The following GBP5 variants were observed in gnomAD, a reference collection of about 807,000 sequenced individuals.
GBP5 encodes guanylate-binding protein 5.
In GBP5, 48 loss-of-function variants were observed where a neutral mutation model predicts 58.2. The observed-to-expected ratio is 0.83, with a 90% confidence interval of 0.65 to 1.05. GBP5 has a LOEUF of 1.05. Ranked by LOEUF, GBP5 falls within the 50% of genes least tolerant of loss-of-function variation. GBP5 has a pLI of 0.00. For missense variants in GBP5, 714 were observed against 686.8 expected, an observed-to-expected ratio of 1.04 and a Z score of -0.44; for synonymous variants, 248 against 251.8, an observed-to-expected ratio of 0.98 and a Z score of 0.14.
At position 89,267,114 on chromosome 1, in the gene GBP5, G is replaced by C. The variant is rs757117645; in HGVS notation, c.468C>G (p.Asn156Lys). The C allele has an allele frequency of 3.7e-6, 6 of 1,607,072 alleles. No individual in the cohort carries two copies. The South Asian group carries it at 4.5e-5, about 12-fold the overall frequency. The change falls in exon 6 of 12, where the codon AAC becomes AAG. Residue 156 changes from asparagine to lysine, a missense_variant. Coordinates refer to ENST00000370459, the MANE Select transcript of GBP5 (RefSeq NM_052942.5). Reference sequence around the variant, plus strand: ...CTTCAACCCTGTCAAGGTCGGGTGAGTTTCTTGCCTTGAGCAGATCTGTCA... The same window carrying C: ...CTTCAACCCTGTCAAGGTCGGGTGACTTTCTTGCCTTGAGCAGATCTGTCA... ...TELTDLLKAR[N>K]SPDLDRVEDP...
At chr1:89,266,874 C>T in intron 6 of GBP5, 83 bp downstream of exon 6, 4 of 944,586 alleles carry the variant, frequency 4.2e-6, no homozygotes, top group Non-Finnish European at 4.7e-6. Context: ...TATAGAAAAC[C>T]ATAAATTTAA....
intron 6 of GBP5, 60 bp from the exon 7 acceptor site, chr1:89,266,648 ACCTTG>A: frequency 4.1e-6 from 6 of 1,447,092 alleles, no homozygotes; most frequent in Non-Finnish European, 5.7e-6. Context: ...TCATTTATTT[ACCTTG>A]AATAAATGTC....
In GBP5 at chr1:89,262,227, T is replaced by G; in HGVS notation, c.1640A>C (p.Gln547Pro). Residue 547 changes from glutamine (Q) to proline (P), a missense_variant, in exon 11 of 12, where the codon CAG (glutamine) becomes CCG (proline). By Grantham distance (76) the Gln-to-Pro change is moderately conservative. Transcript: ENST00000370459. ...LAEQQKMQEQQMQEQAAQLST... is the reference protein window; with the variant it reads ...LAEQQKMQEQPMQEQAAQLST... ...GAAACAATTGATGAATACCTGCATC[T>G]GTTGTTCCTGCATTTTCTGTTGCTC... is the stretch of plus-strand genomic sequence containing the variant. The G allele has an allele frequency of 6.2e-7, 1 of 1,614,054 alleles. No homozygotes were observed.
At chr1:89,269,822 C>A (rs909608905) in intron 2 of GBP5, 6 of 255,856 alleles carry the variant, frequency 2.3e-5, no homozygotes, top group Non-Finnish European at 4.4e-5. Flanking sequence ...ATTTGATAGG[C>A]ATACGAAAAT....
In GBP5 at chr1:89,262,273, C is replaced by T; in HGVS notation, c.1594G>A (p.Ala532Thr). The change falls in exon 11 of 12, where the codon GCC becomes ACC. Residue 532 changes from alanine (A) to threonine (T), a missense_variant. By Grantham distance (58) the Ala-to-Thr change is moderately conservative. Transcript: ENST00000370459. Reference protein sequence around the residue: ...HQEQVRQMEIAKQNWLAEQQK... With the variant: ...HQEQVRQMEITKQNWLAEQQK... ...TGCTCTGCCAGCCAATTTTGTTTGG[C>T]TATCTCCATTTGTCTCACTTGTTCC... 6.2e-7 allele frequency: 1 copy of T among 1,614,198 alleles called. No homozygotes were observed. The highest frequency in any genetic ancestry group is 8.5e-7 in the Non-Finnish European group (1 of 1,180,020).
At chr1:89,268,961 A>G (rs1405864567) in intron 3 of GBP5, 105 bp from the exon 4 acceptor site, 3 of 1,117,192 alleles carry the variant, frequency 2.7e-6, no homozygotes, top group Non-Finnish European at 4.0e-6. Flanking sequence ...AGGAGATAGC[A>G]GAATGTACAA....
In GBP5 at chr1:89,268,787, T is replaced by C. The variant is rs761047766; in HGVS notation, c.260A>G (p.Asn87Ser). The C allele has an allele frequency of 1.1e-5, 17 of 1,613,980 alleles. No individual in the cohort carries two copies. The highest frequency in any genetic ancestry group is 1.4e-5 in the Non-Finnish European group (16 of 1,179,938). Residue 87 changes from asparagine to serine, a missense_variant, in exon 4 of 12, where the codon AAC (asparagine) becomes AGC (serine). Transcript: ENST00000370459. ...GIWIWCVPHP[N>S]WPNHTLVLLD... ...CAGAACTAATGTGTGATTTGGCCAG[T>C]TGGGATGAGGCACACACCATATCCA... is the stretch of plus-strand genomic sequence containing the variant.
intron 7 of GBP5, among the ~76,000 whole-genome samples, chr1:89,265,988 C>G (rs998903791): frequency 1.3e-5 from 2 of 152,204 alleles, no homozygotes; most frequent in African/African-American, 2.4e-5. Flanking sequence ...TTCACTTATA[C>G]AGGGAACATA....
At position 89,264,755 on chromosome 1, in the gene GBP5, C is replaced by T. The variant is rs1454248257; in HGVS notation, c.1080G>A (p.Arg360=). The T allele has an allele frequency of 1.9e-6, 3 of 1,614,062 alleles. No individual in the cohort carries two copies. The African/African-American group carries it at 4.0e-5, about 22-fold the overall frequency. The change falls in exon 8 of 12, where the codon AGG becomes AGA. Residue 360 remains arginine, a synonymous_variant. Transcript: ENST00000370459. Reference sequence around the variant, plus strand: ...TTTTCATGAAGACTTCAATGGCCTCCCTCTCACTGGTCCTGTGCAGGTCCA... The same window carrying T: ...TTTTCATGAAGACTTCAATGGCCTCTCTCTCACTGGTCCTGTGCAGGTCCA... The part of the protein sequence containing the change: ...ELLDLHRTSE[R]EAIEVFMKNS...
chr1:89,264,955 G>C lies in GBP5; in HGVS notation c.880C>G (p.Leu294Val), dbSNP rs1650154648. ...IMVNGSRLKN[L>V]VLTYVNAISS... ...ATGGCATTGACATAGGTCAGCACCA[G>C]GTTCTTTAGACCTTCATGGAAGAAA... The change falls in exon 8 of 12, where the codon CTG becomes GTG. Residue 294 changes from leucine to valine, a missense_variant. Transcript: ENST00000370459. 1 of 1,611,620 alleles carries C rather than the reference G, an allele frequency of 6.2e-7. No individual in the cohort carries two copies. Among genetic ancestry groups the C allele is most frequent in the African/African-American group, 1.3e-5 (1 of 74,864 alleles).
Position 89,266,694 on chromosome 1 carries a change from T to A in GBP5, c.626-106A>T, listed in dbSNP as rs1223606928. 4.5e-6 allele frequency: 5 copies of A among 1,121,250 alleles called. No individual in the cohort carries two copies. In the African/African-American group the frequency reaches 7.8e-5, roughly 18 times the overall value. 69.5% of individuals were successfully genotyped at this position (1,121,250 alleles called of 1,614,324 possible). A position where few individuals can be genotyped will look rare whatever the true frequency, so the allele number is the denominator to read the frequency against. ...ACCTGATGTCACTTAGATTAATATA[T>A]CTTCATAAACCCTAAGTAAAAAGCA... On this transcript the variant is annotated intron_variant, in intron 6 of 11. Coordinates refer to ENST00000370459, the MANE Select transcript of GBP5 (RefSeq NM_052942.5).
intron 8 of GBP5, among the ~76,000 whole-genome samples, chr1:89,264,223 A>G (rs1225724536): frequency 6.6e-6 from 1 of 152,124 alleles, no homozygotes; most frequent in African/African-American, 2.4e-5. Flanking sequence ...TTTTAAATGC[A>G]GCCTACTAGT....
chr1:89,268,866 G>A lies in GBP5; in HGVS notation c.191-10C>T, dbSNP rs994745893. ...GATGCAACAGAGAAGCCTGTCAGGG[G>A]GAGTGAGAGGTTGTAATAGAAGAGA... On this transcript the variant is annotated splice_polypyrimidine_tract_variant and intron_variant, in intron 3 of 11. Transcript: ENST00000370459. The A allele has an allele frequency of 7.4e-6, 12 of 1,612,426 alleles. No homozygotes were observed. Among genetic ancestry groups the A allele is most frequent in the Non-Finnish European group, 1.0e-5 (12 of 1,179,352 alleles).
In GBP5 at chr1:89,269,366, C is replaced by T. The variant is rs200912190; in HGVS notation, c.190G>A (p.Gly64Ser). The change falls in exon 3 of 12, where the codon GGC (glycine) becomes AGC (serine). Residue 64 changes from glycine (G) to serine (S), a missense_variant and splice_region_variant. By Grantham distance (56) the Gly-to-Ser change is moderately conservative. Coordinates refer to ENST00000370459, the MANE Select transcript of GBP5 (RefSeq NM_052942.5). ...GCAGAGCTTTGCTGGTACCACTCAC[C>T]CTTGTTCTTCCCAGCCAGCTTGTTC... ...LMNKLAGKNK[G>S]FSVASTVQSH... 1.2e-6 allele frequency: 2 copies of T among 1,613,784 alleles called. No individual in the cohort carries two copies. The highest frequency in any genetic ancestry group is 8.5e-7 in the Non-Finnish European group (1 of 1,179,804).
chr1:89,256,485 T>A lies in GBP5; in HGVS notation c.*4219A>T, dbSNP rs925908284. 1.3e-5 allele frequency among the ~76,000 whole-genome samples: 2 copies of A among 152,238 alleles called. No homozygotes were observed. Among genetic ancestry groups the A allele is most frequent in the Non-Finnish European group, 2.9e-5 (2 of 68,032 alleles). On this transcript the variant is annotated 3_prime_UTR_variant, in exon 12 of 12. Coordinates refer to ENST00000370459, the MANE Select transcript of GBP5 (RefSeq NM_052942.5). ...TGTAATTTATTTATATTGAATATTG[T>A]ACATTTTATGTTTTTTGTACTCTTC...
chr1:89,267,016 A>G lies in GBP5; in HGVS notation c.566T>C (p.Ile189Thr). Reference sequence around the variant, plus strand: ...ATCTGGTGTGACAAGTTGCCCATCTATTTCCAGGCCTAAGCAGAAATCTCT... The same window carrying G: ...ATCTGGTGTGACAAGTTGCCCATCTGTTTCCAGGCCTAAGCAGAAATCTCT... Reference protein sequence around the residue: ...TLRDFCLGLEIDGQLVTPDEY... With the variant: ...TLRDFCLGLETDGQLVTPDEY... The change falls in exon 6 of 12, where the codon ATA (isoleucine) becomes ACA (threonine). Residue 189 changes from isoleucine (I) to threonine (T), a missense_variant. Ile to Thr is a moderately conservative substitution (Grantham distance 89). Transcript: ENST00000370459. 2 of 1,611,822 alleles carry G rather than the reference A, an allele frequency of 1.2e-6. No individual in the cohort carries two copies. Among genetic ancestry groups the G allele is most frequent in the East Asian group, 2.2e-5 (1 of 44,656 alleles).
At position 89,263,602 on chromosome 1, in the gene GBP5, CA is replaced by C. The variant is rs572642839; in HGVS notation, c.1362+133del. Reference sequence around the variant, plus strand: ...CATTGTTTTTCCATAAATGCTTATTCAAGAAAAGGATTACTACTAGACAGAG... The same window carrying C: ...CATTGTTTTTCCATAAATGCTTATTCAGAAAAGGATTACTACTAGACAGAG... On this transcript the variant is annotated intron_variant, in intron 9 of 11. Coordinates refer to ENST00000370459, the MANE Select transcript of GBP5 (RefSeq NM_052942.5). The C allele has an allele frequency of 6.1e-3, 3,753 of 612,742 alleles. 34 individuals carry two copies. The highest frequency in any genetic ancestry group is 0.011 in the South Asian group (519 of 48,356). 38.0% of individuals were successfully genotyped at this position (612,742 alleles called of 1,614,324 possible).
chr1:89,272,130 T>C (rs991742213), intron 1 of GBP5: 3 of 152,248 alleles, frequency 2.0e-5, no homozygotes, highest in Non-Finnish European at 4.4e-5. Flanking sequence ...CGAGTCAGTT[T>C]AATCAGATTT....
chr1:89,268,202 G>A (rs1234346046), intron 4 of GBP5, among the ~76,000 whole-genome samples: 1 of 152,120 alleles, frequency 6.6e-6, no homozygotes, highest in African/African-American at 2.4e-5. Context: ...TACAAATCAT[G>A]GTTGTTTTTG....
Sources: gnomAD v4.1 joint callset for allele counts (sites outside exome capture counted in the v4.1 genomes callset) on GRCh38, gnomAD v4.1.1 for gene constraint, MANE v1.5 for transcripts, NCBI Gene and HGNC (gene_info 2026-07-23, HGNC 2026-07-21) for gene names.